Variants in LRFN2 observed in about 807,000 individuals in gnomAD.
The protein encoded by LRFN2 is leucine-rich repeat and fibronectin type-III domain-containing protein 2.
A neutral mutation model predicts 37.3 loss-of-function variants in LRFN2; 18 were observed. The ratio of observed to expected loss-of-function variants is 0.48; its 90% CI spans 0.33 to 0.72. The LOEUF (loss-of-function observed/expected upper bound fraction) is 0.72, where lower values mean the gene tolerates loss of function less well. LRFN2 is among the 30% of genes least tolerant of loss of function. The probability of loss-of-function intolerance (pLI) is 0.02; values close to 1 mark genes in which losing one functional copy is unlikely to be tolerated. For missense variants in LRFN2, 1,006 were observed against 1,060.7 expected, an observed-to-expected ratio of 0.95 and a Z score of 0.72; for synonymous variants, 556 against 466.6, an observed-to-expected ratio of 1.19 and a Z score of -2.47.
chr6:40,584,436 T>C (rs553187940), intron 1 of LRFN2, among the ~76,000 whole-genome samples: 2 of 152,292 alleles, frequency 1.3e-5, no homozygotes, highest in East Asian at 3.9e-4. Flanking sequence ...ACTCTATCCC[T>C]TCAATAAGTT....
intron 1 of LRFN2, among the ~76,000 whole-genome samples, chr6:40,461,434 A>G (rs1243299976): frequency 2.0e-5 from 3 of 152,056 alleles, no homozygotes; most frequent in African/African-American, 7.2e-5. Flanking sequence ...AAACTAAAAA[A>G]AAGAAATTAT....
At chr6:40,577,788 A>T (rs1218834892) in intron 1 of LRFN2, among the ~76,000 whole-genome samples, 12 of 142,654 alleles carry the variant, frequency 8.4e-5, no homozygotes, top group African/African-American at 2.1e-4. Flanking sequence ...AAAAAAGGAA[A>T]AAATAAATAA....
intron 1 of LRFN2, among the ~76,000 whole-genome samples, chr6:40,503,461 C>T (rs1376541408): frequency 6.6e-6 from 1 of 152,130 alleles, no homozygotes; most frequent in Non-Finnish European, 1.5e-5. Flanking sequence ...GGACACAGAG[C>T]CATGCAAGAA....
intron 1 of LRFN2, among the ~76,000 whole-genome samples, chr6:40,455,290 A>T (rs139869231): frequency 1.5e-4 from 23 of 152,256 alleles, no homozygotes; most frequent in Admixed American, 3.3e-4. Flanking sequence ...TACCAAACAC[A>T]TCATGATCTC....
intron 2 of LRFN2, among the ~76,000 whole-genome samples, chr6:40,426,509 T>A (rs142899994): frequency 5.3e-5 from 8 of 152,314 alleles, no homozygotes; most frequent in African/African-American, 1.7e-4. Flanking sequence ...TATCACATGC[T>A]AGCGAGAGGA....
At chr6:40,481,283 A>C (rs1764822336) in intron 1 of LRFN2, among the ~76,000 whole-genome samples, 2 of 152,090 alleles carry the variant, frequency 1.3e-5, no homozygotes, top group Non-Finnish European at 2.9e-5. Context: ...AAAAAATACA[A>C]AATTGGCCAG....
Position 40,432,072 on chromosome 6 carries a change from T to C in LRFN2, c.1042A>G (p.Ile348Val). The change falls in exon 2 of 3, where the codon ATC (isoleucine) becomes GTC (valine). Residue 348 changes from isoleucine to valine, a missense_variant. Coordinates refer to ENST00000338305, the MANE Select transcript of LRFN2 (RefSeq NM_020737.3). Reference protein sequence around the residue: ...VYDNGTLDIFITTSQDSGAFT... With the variant: ...VYDNGTLDIFVTTSQDSGAFT... ...GCACCACTGTCCTGAGATGTGGTGA[T>C]GAAGATGTCCAGGGTGCCATTGTCA... 1.2e-6 allele frequency: 2 copies of C among 1,614,116 alleles called. No homozygotes were observed. The highest frequency in any genetic ancestry group is 1.7e-6 in the Non-Finnish European group (2 of 1,180,032).
chr6:40,582,684 C>A (rs1186114337), intron 1 of LRFN2, among the ~76,000 whole-genome samples: 4 of 149,580 alleles, frequency 2.7e-5, no homozygotes, highest in African/African-American at 5.0e-5. Context: ...TTCTATACAA[C>A]CCTCAGTTAC....
intron 1 of LRFN2, among the ~76,000 whole-genome samples, chr6:40,586,310 A>G (rs1237518623): frequency 1.3e-5 from 2 of 152,032 alleles, no homozygotes; most frequent in Admixed American, 6.5e-5. Context: ...CACTTTCCAT[A>G]TTGCTTCATC....
At chr6:40,462,466 C>A (rs1448846849) in intron 1 of LRFN2, among the ~76,000 whole-genome samples, 1 of 152,142 alleles carries the variant, frequency 6.6e-6, no homozygotes, top group East Asian at 1.9e-4. Flanking sequence ...GCCTCCCTTC[C>A]CTAAGTCCTC....
chr6:40,515,015 C>G (rs111946974), intron 1 of LRFN2, among the ~76,000 whole-genome samples: 11 of 152,224 alleles, frequency 7.2e-5, no homozygotes, highest in African/African-American at 2.7e-4. Flanking sequence ...AGCAGGTGAA[C>G]GCAGCAGTCC....
intron 1 of LRFN2, among the ~76,000 whole-genome samples, chr6:40,480,901 T>C (rs780543016): frequency 3.3e-4 from 51 of 152,362 alleles, no homozygotes; most frequent in African/African-American, 9.4e-4. Context: ...CAAAACCTAA[T>C]GATTCTGAAA....
chr6:40,437,276 A>G (rs1324395190), intron 1 of LRFN2, among the ~76,000 whole-genome samples: 1 of 152,066 alleles, frequency 6.6e-6, no homozygotes, highest in African/African-American at 2.4e-5. Context: ...GCTGATCCAT[A>G]TGGACCGCAT....
chr6:40,458,336 C>T (rs545839572), intron 1 of LRFN2, among the ~76,000 whole-genome samples: 14 of 152,256 alleles, frequency 9.2e-5, no homozygotes, highest in African/African-American at 2.6e-4. Context: ...CAGTGATAAG[C>T]CTCACACATT....
intron 1 of LRFN2, among the ~76,000 whole-genome samples, chr6:40,460,324 C>A (rs923169893): frequency 6.6e-6 from 1 of 152,210 alleles, no homozygotes; most frequent in East Asian, 1.9e-4. Flanking sequence ...CTTCCCCAGT[C>A]CCCTGCAGAT....
At chr6:40,514,059 G>A (rs1283757002) in intron 1 of LRFN2, among the ~76,000 whole-genome samples, 1 of 151,950 alleles carries the variant, frequency 6.6e-6, no homozygotes, top group Non-Finnish European at 1.5e-5. Flanking sequence ...GGGGAGTCTT[G>A]GTGGATTTGA....
At chr6:40,476,140 A>T (rs935248070) in intron 1 of LRFN2, among the ~76,000 whole-genome samples, 1 of 152,060 alleles carries the variant, frequency 6.6e-6, no homozygotes, top group East Asian at 1.9e-4. Context: ...ACAACCCTGT[A>T]CCTTAGTCAG....
At chr6:40,547,740 C>A (rs185185757) in intron 1 of LRFN2, among the ~76,000 whole-genome samples, 1 of 152,074 alleles carries the variant, frequency 6.6e-6, no homozygotes, top group African/African-American at 2.4e-5. Flanking sequence ...GAGTCTGGCC[C>A]GCAAGCAAAG....
chr6:40,434,722 C>A (rs961738886), intron 1 of LRFN2, among the ~76,000 whole-genome samples: 2 of 151,780 alleles, frequency 1.3e-5, no homozygotes, highest in Non-Finnish European at 2.9e-5. Context: ...AGGTGATCCA[C>A]CTGCCCCGGC....
Sources: allele counts gnomAD v4.1 joint callset (sites outside exome capture counted in the v4.1 genomes callset), GRCh38; gene constraint gnomAD v4.1.1; transcripts MANE v1.5; gene names NCBI Gene and HGNC (gene_info 2026-07-23, HGNC 2026-07-21).